The following MAPK10 variants were observed in gnomAD, a reference collection of about 807,000 sequenced individuals.
MAPK10 encodes the protein mitogen-activated protein kinase 10.
MAPK10 carries 25 observed loss-of-function variants against 59.3 expected under a neutral mutation model. The observed-to-expected ratio is 0.42, with a 90% confidence interval of 0.31 to 0.59. The LOEUF (loss-of-function observed/expected upper bound fraction) is 0.59. Ranked by LOEUF, MAPK10 falls within the 20% of genes least tolerant of loss-of-function variation. The pLI is 0.15. For synonymous variants in MAPK10, 190 were observed against 200.5 expected, an observed-to-expected ratio of 0.95 and a Z score of 0.44; for missense variants, 351 against 568.9, an observed-to-expected ratio of 0.62 and a Z score of 3.90.
intron 1 of MAPK10, among the ~76,000 whole-genome samples, chr4:86,520,522 A>AT (rs548123447): frequency 9.7e-4 from 146 of 150,478 alleles, no homozygotes; most frequent in Non-Finnish European, 1.7e-3. Context: ...CATATCCTGT[A>AT]TTTTTTTTTA....
chr4:86,457,340 C>A (rs555944245), upstream of MAPK10, among the ~76,000 whole-genome samples: 18 of 152,212 alleles, frequency 1.2e-4, no homozygotes, highest in Non-Finnish European at 2.5e-4. Flanking sequence ...TAAAGGGCAT[C>A]CCAATTGGTA....
intron 4 of MAPK10, among the ~76,000 whole-genome samples, chr4:86,132,305 T>C (rs1386205911): frequency 6.6e-6 from 1 of 152,238 alleles, no homozygotes; most frequent in East Asian, 1.9e-4. Context: ...AATGATTTTA[T>C]GTTGCCCTTT....
chr4:86,049,064 T>G (rs2043039387), intron 11 of MAPK10, among the ~76,000 whole-genome samples: 1 of 152,056 alleles, frequency 6.6e-6, no homozygotes, highest in African/African-American at 2.4e-5. Flanking sequence ...TGTACCACAT[T>G]TACATATGAG....
rs532208385 is a variant in MAPK10 at position 86,076,114 on chromosome 4, C to T, written c.803-8159G>A. 2.6e-5 allele frequency among the ~76,000 whole-genome samples: 4 copies of T among 152,294 alleles called. No homozygotes were observed. In the East Asian group the frequency reaches 7.7e-4, roughly 29 times the overall value. ...TCTCGTGGTGCGCTGCTTTTTAAGC[C>T]GGTCTGAAAAGTGCAATATTCGGGT... On this transcript the variant is annotated intron_variant, in intron 9 of 13. Transcript: ENST00000641462.
At chr4:86,214,524 A>AAAAC (rs1554099607) in intron 2 of MAPK10, among the ~76,000 whole-genome samples, 4 of 149,712 alleles carry the variant, frequency 2.7e-5, no homozygotes, top group African/African-American at 1.0e-4. Flanking sequence ...AAAAAAAAAA[A>AAAAC]AAAAAAAAAA....
At chr4:86,420,392 T>C (rs766533051) in intron 1 of MAPK10, among the ~76,000 whole-genome samples, 4 of 152,220 alleles carry the variant, frequency 2.6e-5, no homozygotes, top group Non-Finnish European at 4.4e-5. Flanking sequence ...ATATTAGCCA[T>C]AGGTACTTCT....
chr4:86,113,662 T>C (rs1434362265), intron 4 of MAPK10, among the ~76,000 whole-genome samples: 1 of 152,186 alleles, frequency 6.6e-6, no homozygotes, highest in Non-Finnish European at 1.5e-5. Context: ...TTCCTTCATT[T>C]TGACCTTGGA....
chr4:86,112,716 ATATC>A (rs199537849), intron 4 of MAPK10, among the ~76,000 whole-genome samples: 2,232 of 152,246 alleles, frequency 0.015, 53 homozygotes, highest in African/African-American at 0.051. Context: ...AGTTCTGTAG[ATATC>A]TATCAGGTCC....
At chr4:86,073,661 C>T (rs2048534945) in intron 9 of MAPK10, among the ~76,000 whole-genome samples, 1 of 111,816 alleles carries the variant, frequency 8.9e-6, no homozygotes. Context: ...ACCCAGTAGT[C>T]ATTCAGGAGC....
At chr4:86,562,148 G>A (rs982018134) in intron 1 of MAPK10, among the ~76,000 whole-genome samples, 1 of 152,196 alleles carries the variant, frequency 6.6e-6, no homozygotes, top group African/African-American at 2.4e-5. Context: ...TTGGGCCCCA[G>A]CGTTCAAGAC....
intron 2 of MAPK10, among the ~76,000 whole-genome samples, chr4:86,310,980 T>C (rs1485243804): frequency 1.3e-5 from 2 of 150,850 alleles, no homozygotes; most frequent in South Asian, 4.2e-4. Flanking sequence ...GACCCACAGA[T>C]ACACAATATT....
chr4:86,256,399 A>G (rs1434438575), intron 2 of MAPK10, among the ~76,000 whole-genome samples: 1 of 152,194 alleles, frequency 6.6e-6, no homozygotes, highest in Non-Finnish European at 1.5e-5. Flanking sequence ...GTTTTATAAA[A>G]GTTTCCACTC....
intron 3 of MAPK10, among the ~76,000 whole-genome samples, chr4:86,176,646 G>GA (rs34870954): frequency 0.27 from 40,203 of 151,592 alleles, 7,616 homozygotes; most frequent in African/African-American, 0.54. Flanking sequence ...TAAATTTTTA[G>GA]AAAAAAACTG....
chr4:86,548,945 C>T (rs1243026627), intron 1 of MAPK10, among the ~76,000 whole-genome samples: 4 of 152,108 alleles, frequency 2.6e-5, no homozygotes, highest in African/African-American at 4.8e-5. Context: ...ACTAAATATA[C>T]GTTTTCACTG....
intron 11 of MAPK10, among the ~76,000 whole-genome samples, chr4:86,049,656 C>T (rs1443094316): frequency 2.0e-5 from 3 of 152,050 alleles, no homozygotes; most frequent in Non-Finnish European, 4.4e-5. Flanking sequence ...GGTACTTTCA[C>T]ATTTTTTTCC....
chr4:86,427,031 G>T (rs1284407260), intron 1 of MAPK10, among the ~76,000 whole-genome samples: 1 of 151,934 alleles, frequency 6.6e-6, no homozygotes, highest in South Asian at 2.1e-4. Flanking sequence ...GCTGAGGCGG[G>T]CAGATCACGA....
intron 11 of MAPK10, among the ~76,000 whole-genome samples, chr4:86,045,428 TTTAA>T (rs1286456254): frequency 1.3e-5 from 2 of 152,122 alleles, no homozygotes; most frequent in Non-Finnish European, 2.9e-5. Flanking sequence ...AAATTCCAAA[TTTAA>T]TTATTTACAA....
chr4:86,343,253 T>C (rs939830998), intron 2 of MAPK10, among the ~76,000 whole-genome samples: 1 of 152,222 alleles, frequency 6.6e-6, no homozygotes, highest in African/African-American at 2.4e-5. Context: ...CCTCCATGTT[T>C]AGTCTTATTT....
chr4:86,213,079 A>G (rs911232883), intron 2 of MAPK10, among the ~76,000 whole-genome samples: 8 of 152,160 alleles, frequency 5.3e-5, no homozygotes, highest in Admixed American at 5.2e-4. Context: ...AGAAATTAAT[A>G]AAAACACTTT....
Sources: allele counts gnomAD v4.1 joint callset (sites outside exome capture counted in the v4.1 genomes callset), GRCh38; gene constraint gnomAD v4.1.1; transcripts MANE v1.5; gene names NCBI Gene and HGNC (gene_info 2026-07-23, HGNC 2026-07-21).